The following RICTOR variants were observed in gnomAD, a reference collection of about 807,000 sequenced individuals.
RICTOR encodes rapamycin-insensitive companion of mTOR.
Under a neutral mutation model 214.9 loss-of-function variants are expected in RICTOR, and 49 were observed. The observed-to-expected ratio is 0.23, with a 90% CI of 0.18 to 0.29. RICTOR has a LOEUF of 0.29. Ranked by LOEUF, RICTOR falls within the 10% of genes least tolerant of loss-of-function variation. The probability of loss-of-function intolerance (pLI) is 1.00; values close to 1 mark genes in which losing one functional copy is unlikely to be tolerated. For synonymous variants in RICTOR, 717 were observed against 711.3 expected, an observed-to-expected ratio of 1.01 and a Z score of -0.13; for missense variants, 1,625 against 2,047.0, an observed-to-expected ratio of 0.79 and a Z score of 3.98.
intron 3 of RICTOR, among the ~76,000 whole-genome samples, chr5:39,005,247 A>G (rs1365452486): frequency 1.3e-5 from 2 of 152,132 alleles, no homozygotes; most frequent in East Asian, 1.9e-4. Flanking sequence ...AATTCTATAC[A>G]ATATATTTTC....
intron 2 of RICTOR, among the ~76,000 whole-genome samples, chr5:39,031,333 T>A (rs570533061): frequency 6.6e-6 from 1 of 152,304 alleles, no homozygotes; most frequent in East Asian, 1.9e-4. Context: ...GGAAAATTTA[T>A]CCTTAAAAGT....
rs144776718 is a variant in RICTOR, at chr5:38,974,680, G to A, written c.889+857C>T. ...ATCCTATGGTTGTCCATCAGCATAA[G>A]GAAAATAGGTATTTATGAGGTATAG... On this transcript the variant is annotated intron_variant, in intron 10 of 37. Transcript: ENST00000357387. 2.2e-3 allele frequency among the ~76,000 whole-genome samples: 332 copies of A among 152,144 alleles called. 1 individual carries two copies. The highest frequency in any genetic ancestry group is 7.5e-3 in the African/African-American group (313 of 41,544).
intron 2 of RICTOR, among the ~76,000 whole-genome samples, chr5:39,047,557 A>G (rs1423929870): frequency 6.6e-6 from 1 of 152,226 alleles, no homozygotes; most frequent in Non-Finnish European, 1.5e-5. Context: ...CGTAGACTAC[A>G]TTATAATGGT....
At position 38,981,929 on chromosome 5, in the gene RICTOR, T is replaced by C. The variant is rs61748213; in HGVS notation, c.691A>G (p.Ile231Val). 68 of 1,613,160 alleles carry C rather than the reference T, an allele frequency of 4.2e-5. No homozygotes were observed. The highest frequency in any genetic ancestry group is 5.5e-5 in the Non-Finnish European group (65 of 1,179,328). Reference protein sequence around the residue: ...SRINEALITTILHLLNHPKTR... With the variant: ...SRINEALITTVLHLLNHPKTR... Reference sequence around the variant, plus strand: ...TTTGGATGATTAAGAAGGTGCAAAATTGTAGTAATTAGGGCCTCATTTATT... The same window carrying C: ...TTTGGATGATTAAGAAGGTGCAAAACTGTAGTAATTAGGGCCTCATTTATT... The change falls in exon 8 of 38, where the codon ATT (isoleucine) becomes GTT (valine). Residue 231 changes from isoleucine (I) to valine (V), a missense_variant. By Grantham distance (29) the Ile-to-Val change is conservative (BLOSUM62 3). This residue lies in a region of RICTOR where 258 missense variants were observed against 393.7 expected (regional missense o/e 0.66). Transcript: ENST00000357387.
intron 2 of RICTOR, among the ~76,000 whole-genome samples, chr5:39,025,391 T>G (rs987181654): frequency 6.6e-6 from 1 of 152,354 alleles, no homozygotes; most frequent in Admixed American, 6.5e-5. Flanking sequence ...GACCAGGGAC[T>G]GAAAAACATT....
intron 2 of RICTOR, among the ~76,000 whole-genome samples, chr5:39,069,206 C>G (rs1364630099): frequency 6.6e-6 from 1 of 152,140 alleles, no homozygotes; most frequent in East Asian, 1.9e-4. Context: ...GCTTACAAGA[C>G]TTTGTTAAGC....
intron 17 of RICTOR, 24 bp downstream of exon 17, chr5:38,962,852 A>G (rs752600340): frequency 6.3e-7 from 1 of 1,588,698 alleles, no homozygotes; most frequent in Non-Finnish European, 8.6e-7. Context: ...GTTTAAGATG[A>G]AAATCATGAT....
chr5:38,991,220 C>A, intron 6 of RICTOR, 145 bp from the exon 7 acceptor site: 1 of 456,150 alleles, frequency 2.2e-6, no homozygotes, highest in South Asian at 4.1e-5. Context: ...ATGGATATTT[C>A]AAAAGATTAA....
chr5:38,966,786 G>T, intron 14 of RICTOR, 65 bp from the exon 15 acceptor site: 9 of 843,788 alleles, frequency 1.1e-5, no homozygotes, highest in African/African-American at 1.9e-5. Flanking sequence ...TTATGCATCA[G>T]ATTTATTTTT....
intron 2 of RICTOR, among the ~76,000 whole-genome samples, chr5:39,071,204 T>C (rs927617876): frequency 6.6e-6 from 1 of 152,204 alleles, no homozygotes; most frequent in African/African-American, 2.4e-5. Context: ...AAATACAGTA[T>C]CACATTTTAT....
chr5:39,018,565 T>C (rs1561538004), intron 3 of RICTOR, among the ~76,000 whole-genome samples: 1 of 152,120 alleles, frequency 6.6e-6, no homozygotes, highest in Non-Finnish European at 1.5e-5. Context: ...ATTATTATTA[T>C]CTGTTAGGGT....
intron 2 of RICTOR, among the ~76,000 whole-genome samples, chr5:39,071,444 T>C (rs779352615): frequency 6.6e-6 from 1 of 152,234 alleles, no homozygotes; most frequent in Non-Finnish European, 1.5e-5. Context: ...GTTTTAAAAC[T>C]GTGATTTCAC....
Position 38,959,746 on chromosome 5 carries a change from G to A in RICTOR, c.2051+33C>T, listed in dbSNP as rs771778223. 7.2e-6 allele frequency: 10 copies of A among 1,391,086 alleles called. 1 individual carries two copies. Among genetic ancestry groups the A allele is most frequent in the South Asian group, 4.6e-5 (4 of 86,508 alleles). 86.2% of individuals were successfully genotyped at this position (1,391,086 alleles called of 1,614,324 possible). ...TAACTACATTAAAAATAAAGTTCAT[G>A]TATATATTGCAACAAAATCTGGGAA... is the stretch of plus-strand genomic sequence containing the variant. On this transcript the variant is annotated intron_variant, in intron 21 of 37. Coordinates refer to ENST00000357387, the MANE Select transcript of RICTOR (RefSeq NM_152756.5).
In RICTOR at chr5:38,964,122, CATA is replaced by C. The variant is rs201878532; in HGVS notation, c.1400+667_1400+669del. Among the ~76,000 whole-genome samples the C allele has an allele frequency of 2.2e-3, 340 of 151,900 alleles. 1 individual carries two copies. The highest frequency in any genetic ancestry group is 7.7e-3 in the African/African-American group (321 of 41,518). On this transcript the variant is annotated intron_variant, in intron 16 of 37. Transcript: ENST00000357387. ...AAAATCGTCCATGTATGTTTTTGAT[CATA>C]ATAACAAAATAAAAAAACAACCACA...
chr5:38,969,581 T>G (rs1476246836), intron 11 of RICTOR: 1 of 151,994 alleles, frequency 6.6e-6, no homozygotes, highest in Non-Finnish European at 1.5e-5. Flanking sequence ...TTCACTCACT[T>G]CTCACACATT....
intron 2 of RICTOR, among the ~76,000 whole-genome samples, chr5:39,063,841 A>C (rs1758715093): frequency 6.6e-6 from 1 of 152,192 alleles, no homozygotes; most frequent in Non-Finnish European, 1.5e-5. Context: ...GGGTTAAAAA[A>C]AAAAAGGAAA....
intron 2 of RICTOR, among the ~76,000 whole-genome samples, chr5:39,030,756 T>C (rs2150150490): frequency 6.6e-6 from 1 of 152,266 alleles, no homozygotes; most frequent in African/African-American, 2.4e-5. Flanking sequence ...AATAAATATG[T>C]GAGTAAACAT....
intron 2 of RICTOR, among the ~76,000 whole-genome samples, chr5:39,063,666 C>T (rs79277737): frequency 0.019 from 2,884 of 152,136 alleles, 44 homozygotes; most frequent in Middle Eastern, 0.041. Context: ...ACTGATAGAG[C>T]TATATCCCAA....
intron 3 of RICTOR, 51 bp from the exon 4 acceptor site, chr5:39,003,673 T>C: frequency 9.2e-7 from 1 of 1,083,186 alleles, no homozygotes; most frequent in East Asian, 2.4e-5. Flanking sequence ...TATTTTCACA[T>C]ATTTATATAC....
Sources: allele counts gnomAD v4.1 joint callset (sites outside exome capture counted in the v4.1 genomes callset), GRCh38; gene constraint gnomAD v4.1.1; regional missense constraint gnomAD v4.1.1; transcripts MANE v1.5; gene names NCBI Gene and HGNC (gene_info 2026-07-23, HGNC 2026-07-21).